Variants in ASIC2 observed in about 807,000 individuals in gnomAD.
ASIC2 encodes acid-sensing ion channel 2.
Under a neutral mutation model 57.3 loss-of-function variants are expected in ASIC2, and 25 were observed. That is an observed-to-expected ratio of 0.44 (90% CI 0.32 to 0.61). The LOEUF is 0.61. Ranked by LOEUF, ASIC2 falls within the 20% of genes least tolerant of loss-of-function variation. The pLI is 0.06. For missense variants in ASIC2, 641 were observed against 738.1 expected, an observed-to-expected ratio of 0.87 and a Z score of 1.52; for synonymous variants, 319 against 307.5, an observed-to-expected ratio of 1.04 and a Z score of -0.39.
intron 1 of ASIC2, among the ~76,000 whole-genome samples, chr17:33,244,844 G>A (rs1420507220): frequency 6.6e-6 from 1 of 152,220 alleles, no homozygotes; most frequent in Non-Finnish European, 1.5e-5. Flanking sequence ...CCACGCACCT[G>A]TTAAAACAAG....
In ASIC2 at chr17:34,156,371, G is replaced by A. The variant is rs551130216; in HGVS notation, c.162C>T (p.Gly54=). ...TCTCAGAGCTCTCCACCAGCAGCAG[G>A]CCCAGAGAGCCCACGAAGGCCACTG... is the stretch of plus-strand genomic sequence containing the variant. Residue 54 remains glycine (G), a synonymous_variant, in exon 1 of 10, where the codon GGC becomes GGT. Coordinates refer to the ASIC2 transcript ENST00000359872. The surrounding 1 kb of genome is among the most constrained non-coding windows in gnomAD (Gnocchi z 4.4). The A allele has an allele frequency of 1.2e-4, 197 of 1,614,194 alleles. 2 individuals are homozygous for A. The South Asian group carries it at 1.8e-3, about 15-fold the overall frequency.
At chr17:33,448,342 T>A (rs1415378127) in intron 1 of ASIC2, among the ~76,000 whole-genome samples, 1 of 152,190 alleles carries the variant, frequency 6.6e-6, no homozygotes, top group Non-Finnish European at 1.5e-5. Context: ...CCCAGATATA[T>A]CAGGTCCTAA....
At chr17:33,589,427 TAC>T (rs1904756331) in intron 1 of ASIC2, among the ~76,000 whole-genome samples, 1 of 152,150 alleles carries the variant, frequency 6.6e-6, no homozygotes, top group Admixed American at 6.6e-5. Context: ...ATTGAGTACA[TAC>T]ACAATGCTAT....
At chr17:33,861,965 T>C (rs1384484130) in intron 1 of ASIC2, among the ~76,000 whole-genome samples, 2 of 152,252 alleles carry the variant, frequency 1.3e-5, no homozygotes, top group Non-Finnish European at 2.9e-5. Flanking sequence ...TGCCTCCACC[T>C]TTCTGGTCCC....
intron 1 of ASIC2, among the ~76,000 whole-genome samples, chr17:34,102,549 CAT>C (rs1316092136): frequency 1.3e-5 from 2 of 152,240 alleles, no homozygotes; most frequent in East Asian, 3.9e-4. Flanking sequence ...TCTATAACCT[CAT>C]ATAAATAGAA....
In ASIC2 at chr17:33,255,518, C is replaced by T. The variant is rs16968190; in HGVS notation, c.708+35890G>A. Among the ~76,000 whole-genome samples the T allele has an allele frequency of 8.4e-3, 1,227 of 146,612 alleles. 17 individuals are homozygous for T. Among genetic ancestry groups the T allele is most frequent in the African/African-American group, 0.027 (1,053 of 39,232 alleles). ...GTGACTATATGCTTACATATGTGTG[C>T]GTCAACAAGGAGTATGCTGTGGAAA... On this transcript the variant is annotated intron_variant, in intron 1 of 9. Transcript: ENST00000225823.
intron 1 of ASIC2, among the ~76,000 whole-genome samples, chr17:33,554,381 T>C (rs1915842417): frequency 6.7e-6 from 1 of 150,138 alleles, no homozygotes; most frequent in Admixed American, 6.7e-5. Flanking sequence ...TGTGTGTGTG[T>C]GTTTGCACGT....
intron 1 of ASIC2, among the ~76,000 whole-genome samples, chr17:33,991,454 G>A (rs186368145): frequency 1.5e-3 from 227 of 152,190 alleles, no homozygotes; most frequent in Non-Finnish European, 2.8e-3. Flanking sequence ...TCCTGCCACC[G>A]GCTACATGTG....
rs1905565827 is a variant in ASIC2, at chr17:33,292,982, C to T, written c.-867G>A. The T allele has an allele frequency of 9.1e-6, 9 of 985,438 alleles. No homozygotes were observed. The South Asian group carries it at 3.3e-4, about 36-fold the overall frequency. 61.0% of individuals were successfully genotyped at this position (985,438 alleles called of 1,614,324 possible). On this transcript the variant is annotated 5_prime_UTR_variant, in exon 1 of 10. Coordinates refer to ENST00000225823, the MANE Select transcript of ASIC2 (RefSeq NM_183377.2). ...AGTGTCGCTTCTCGCCTCGGCTCTCCCAGGTGCCTCGCGTCTCCAGAAAAG... is the reference window on the plus strand; with the variant it reads ...AGTGTCGCTTCTCGCCTCGGCTCTCTCAGGTGCCTCGCGTCTCCAGAAAAG...
At chr17:33,912,555 TA>T (rs760497352) in intron 1 of ASIC2, among the ~76,000 whole-genome samples, 3 of 152,106 alleles carry the variant, frequency 2.0e-5, no homozygotes, top group Non-Finnish European at 4.4e-5. Flanking sequence ...GAGCACCCCC[TA>T]CCATCTTTTC....
At chr17:33,243,310 T>C (rs1255669623) in intron 1 of ASIC2, among the ~76,000 whole-genome samples, 2 of 152,202 alleles carry the variant, frequency 1.3e-5, no homozygotes, top group Non-Finnish European at 2.9e-5. Flanking sequence ...GAAAATAGAT[T>C]GAAGTAAACA....
intron 1 of ASIC2, chr17:33,936,337 C>T (rs2141975250): frequency 6.6e-6 from 1 of 152,316 alleles, no homozygotes; most frequent in South Asian, 2.1e-4. Context: ...CCTCTGACCC[C>T]TTTTAGCTTC....
intron 1 of ASIC2, among the ~76,000 whole-genome samples, chr17:33,537,427 T>A (rs1267754434): frequency 6.6e-6 from 1 of 152,226 alleles, no homozygotes; most frequent in East Asian, 1.9e-4. Context: ...TTCCTGAAGT[T>A]ATGTTATGCA....
At chr17:34,107,448 G>T (rs1403207030) in intron 1 of ASIC2, among the ~76,000 whole-genome samples, 1 of 152,176 alleles carries the variant, frequency 6.6e-6, no homozygotes, top group Non-Finnish European at 1.5e-5. Context: ...GGTGGAGGCT[G>T]CAATAAGCTG....
intron 1 of ASIC2, among the ~76,000 whole-genome samples, chr17:33,991,495 C>G (rs1360578407): frequency 1.3e-5 from 2 of 152,218 alleles, no homozygotes; most frequent in Non-Finnish European, 2.9e-5. Flanking sequence ...TTGGCCCCAA[C>G]TGGCCCAGCA....
Position 33,679,542 on chromosome 17 carries a change from TAGAG to T in ASIC2, c.555+476432_555+476435del, listed in dbSNP as rs139220908. 2.8e-3 allele frequency among the ~76,000 whole-genome samples: 419 copies of T among 152,284 alleles called. 1 individual carries two copies. Among genetic ancestry groups the T allele is most frequent in the Non-Finnish European group, 4.3e-3 (291 of 68,024 alleles). ...GAATAGAGTCACAGGCTTGCACTCA[TAGAG>T]AGAACCTTCTAGCTGGGGAGACAGA... is the stretch of plus-strand genomic sequence containing the variant. On this transcript the variant is annotated intron_variant, in intron 1 of 9. Transcript: ENST00000359872.
At chr17:33,378,776 G>C (rs1405346674) in intron 1 of ASIC2, among the ~76,000 whole-genome samples, 1 of 152,222 alleles carries the variant, frequency 6.6e-6, no homozygotes, top group Non-Finnish European at 1.5e-5. Flanking sequence ...CTGTGCCACG[G>C]CTTCATTTCT....
chr17:33,021,481 C>G (rs900674050), intron 6 of ASIC2, among the ~76,000 whole-genome samples, 171 bp from the exon 7 acceptor site: 4 of 152,250 alleles, frequency 2.6e-5, no homozygotes, highest in African/African-American at 7.2e-5. Context: ...AGCCAAGAAG[C>G]CTGACTCCCA....
chr17:33,136,844 T>G (rs1476390492), intron 1 of ASIC2, among the ~76,000 whole-genome samples: 1 of 152,238 alleles, frequency 6.6e-6, no homozygotes, highest in African/African-American at 2.4e-5. Context: ...TTCCCAGTCC[T>G]GCTGCTAAAT....
Sources: gnomAD v4.1 joint callset for allele counts (sites outside exome capture counted in the v4.1 genomes callset) on GRCh38, gnomAD v4.1.1 for gene constraint, Gnocchi (gnomAD v3.1) non-coding constraint, MANE v1.5 for transcripts, NCBI Gene and HGNC (gene_info 2026-07-23, HGNC 2026-07-21) for gene names.